The following PCDH11X variants were observed in gnomAD, a reference collection of about 807,000 sequenced individuals.
PCDH11X encodes protocadherin 11 X-linked, also known as protocadherin-11 X-linked.
PCDH11X carries 18 observed loss-of-function variants against 53.3 expected under a neutral mutation model. The observed-to-expected ratio is 0.34, with a 90% confidence interval of 0.23 to 0.50. The LOEUF is 0.50. PCDH11X is among the 20% of genes least tolerant of loss of function. PCDH11X has a pLI of 0.98. For synonymous variants in PCDH11X, 279 were observed against 393.3 expected, an observed-to-expected ratio of 0.71 and a Z score of 3.44; for missense variants, 570 against 1,032.4, an observed-to-expected ratio of 0.55 and a Z score of 6.14.
intron 8 of PCDH11X, among the ~76,000 whole-genome samples, chrX:92,340,493 G>A (rs1407957813): frequency 5.4e-5 from 6 of 112,123 alleles, no homozygotes; most frequent in African/African-American, 1.6e-4. Context: ...CTAGGCAGAC[G>A]ATCCCAAGCC....
intron 4 of PCDH11X, among the ~76,000 whole-genome samples, chrX:91,822,217 C>G (rs1424531357): frequency 2.7e-5 from 3 of 109,454 alleles, no homozygotes; most frequent in Non-Finnish European, 5.7e-5. Context: ...TTCTCTCTTT[C>G]TCTATTGATT....
chrX:92,042,291 G>A (rs1164264796), intron 6 of PCDH11X, among the ~76,000 whole-genome samples: 2 of 108,932 alleles, frequency 1.8e-5, no homozygotes, highest in East Asian at 5.8e-4. Context: ...TCCTTGTCTT[G>A]AATGAATTAT....
chrX:92,119,075 A>G (rs183972794), intron 6 of PCDH11X, among the ~76,000 whole-genome samples: 526 of 108,593 alleles, frequency 4.8e-3, no homozygotes, highest in African/African-American at 0.017. Flanking sequence ...CTGATAAATT[A>G]TTTATTTATT....
intron 6 of PCDH11X, among the ~76,000 whole-genome samples, chrX:92,104,208 G>T (rs1412828956): frequency 3.6e-5 from 4 of 110,870 alleles, no homozygotes; most frequent in African/African-American, 1.3e-4. Flanking sequence ...CAGGTGTGAG[G>T]AGGGGAGGCG....
intron 6 of PCDH11X, among the ~76,000 whole-genome samples, chrX:92,145,518 T>C (rs1215407354): frequency 2.8e-5 from 3 of 105,857 alleles, no homozygotes; most frequent in Non-Finnish European, 5.8e-5. Context: ...AGCTAAGTTA[T>C]ATTATTTAGA....
chrX:92,599,268 C>T (rs1338373058), intron 10 of PCDH11X, among the ~76,000 whole-genome samples: 1 of 111,664 alleles, frequency 9.0e-6, no homozygotes, highest in Non-Finnish European at 1.9e-5. Context: ...GTGATTGTTA[C>T]ACTTTGCACA....
chrX:92,531,487 T>A (rs1350551895), intron 10 of PCDH11X, among the ~76,000 whole-genome samples: 3 of 111,212 alleles, frequency 2.7e-5, no homozygotes, highest in Non-Finnish European at 5.7e-5. Context: ...GCTTAAGCCA[T>A]CTTATTTGCT....
At chrX:92,415,965 A>AT (rs1363750836) in intron 9 of PCDH11X, among the ~76,000 whole-genome samples, 1 of 111,805 alleles carries the variant, frequency 8.9e-6, no homozygotes, top group African/African-American at 3.2e-5. Context: ...ACTTTGTATG[A>AT]TTGGAAAAAT....
chrX:91,880,372 C>G (rs1163268286), intron 6 of PCDH11X, among the ~76,000 whole-genome samples: 1 of 110,943 alleles, frequency 9.0e-6, no homozygotes, highest in East Asian at 2.8e-4. Context: ...CCTATTCAGG[C>G]TTAACAAAAT....
At chrX:92,556,203 C>A (rs1447590900) in intron 10 of PCDH11X, among the ~76,000 whole-genome samples, 1 of 110,528 alleles carries the variant, frequency 9.0e-6, no homozygotes, top group East Asian at 2.9e-4. Flanking sequence ...ACAATTCCAC[C>A]CCTGTCCCCA....
At chrX:92,553,865 G>A (rs191493245) in intron 10 of PCDH11X, among the ~76,000 whole-genome samples, 26 of 110,717 alleles carry the variant, frequency 2.3e-4, no homozygotes, top group East Asian at 1.7e-3. Context: ...CACCCACTGC[G>A]TTACTCAGAA....
At chrX:92,045,079 T>C (rs2063265931) in intron 6 of PCDH11X, among the ~76,000 whole-genome samples, 1 of 95,103 alleles carries the variant, frequency 1.1e-5, no homozygotes, top group Non-Finnish European at 2.0e-5. Context: ...AAACTGATCA[T>C]GCTCTTTCTA....
chrX:92,293,573 A>G (rs2068542553), intron 8 of PCDH11X, among the ~76,000 whole-genome samples: 1 of 105,058 alleles, frequency 9.5e-6, no homozygotes, highest in South Asian at 4.6e-4. Flanking sequence ...CAGTAAGCCG[A>G]GATCGCGCCA....
intron 6 of PCDH11X, among the ~76,000 whole-genome samples, chrX:92,074,731 ACACT>A (rs1267707681): frequency 1.8e-5 from 2 of 112,381 alleles, no homozygotes; most frequent in African/African-American, 6.5e-5. Context: ...TTCACATAAT[ACACT>A]TTGAGAATTT....
chrX:92,495,071 G>A (rs1165904226), intron 10 of PCDH11X, among the ~76,000 whole-genome samples: 1 of 101,776 alleles, frequency 9.8e-6, no homozygotes, highest in East Asian at 3.1e-4. Context: ...TCCTCTGTAT[G>A]GCATACCAGA....
intron 6 of PCDH11X, among the ~76,000 whole-genome samples, chrX:92,054,242 A>T (rs1455739594): frequency 1.8e-5 from 2 of 111,697 alleles, no homozygotes; most frequent in East Asian, 5.7e-4. Context: ...TGGGACCTAG[A>T]AGCAAAGCAG....
At chrX:92,617,316 C>G (rs1186680795) in intron 10 of PCDH11X, among the ~76,000 whole-genome samples, 2 of 111,608 alleles carry the variant, frequency 1.8e-5, no homozygotes, top group African/African-American at 6.5e-5. Context: ...TTTTTTCCAT[C>G]AAGTTCTAAG....
chrX:92,460,542 C>T lies in PCDH11X; in HGVS notation c.3344-7757C>T, dbSNP rs1482365479. On this transcript the variant is annotated intron_variant, in intron 9 of 10. Coordinates refer to ENST00000682573, the MANE Select transcript of PCDH11X (RefSeq NM_032968.5). ...GCCGAGGTTGGAGCTGCTGAGATGA[C>T]GCTCACAGAGCTGAGACGTACAGTC... is the stretch of plus-strand genomic sequence containing the variant. The T allele has an allele frequency of 2.3e-5, 17 of 742,063 alleles. No individual in the cohort carries two copies. The Admixed American group carries it at 3.7e-4, about 16-fold the overall frequency. 61.2% of individuals were successfully genotyped at this position (742,063 alleles called of 1,213,427 possible).
At chrX:92,301,439 T>C (rs1464290594) in intron 8 of PCDH11X, among the ~76,000 whole-genome samples, 2 of 107,811 alleles carry the variant, frequency 1.9e-5, no homozygotes, top group African/African-American at 6.8e-5. Flanking sequence ...GCTGCAGATG[T>C]TCCCACACCA....
Sources: allele counts gnomAD v4.1 joint callset (sites outside exome capture counted in the v4.1 genomes callset), GRCh38; gene constraint gnomAD v4.1.1; transcripts MANE v1.5; gene names NCBI Gene and HGNC (gene_info 2026-07-23, HGNC 2026-07-21).